The following USF3 variants were observed in gnomAD, a reference collection of about 807,000 sequenced individuals.
USF3 encodes basic helix-loop-helix domain-containing protein USF3.
A neutral mutation model predicts 157.5 loss-of-function variants in USF3; 29 were observed. The observed-to-expected ratio is 0.18, with a 90% CI of 0.14 to 0.25. The LOEUF (loss-of-function observed/expected upper bound fraction) is 0.25. USF3 is among the 10% of genes least tolerant of loss of function. The pLI, the probability that USF3 is intolerant of heterozygous loss-of-function variation, is 1.00. For synonymous variants in USF3, 893 were observed against 941.4 expected, an observed-to-expected ratio of 0.95 and a Z score of 0.94; for missense variants, 2,381 against 2,667.6, an observed-to-expected ratio of 0.89 and a Z score of 2.37.
At chr3:113,691,647 A>T (rs1329447745) in intron 1 of USF3, among the ~76,000 whole-genome samples, 1 of 152,164 alleles carries the variant, frequency 6.6e-6, no homozygotes, top group African/African-American at 2.4e-5. Flanking sequence ...ATGGATCCTT[A>T]TGATCCTGGG....
At chr3:113,681,990 A>G (rs915792537) in intron 1 of USF3, among the ~76,000 whole-genome samples, 3 of 152,130 alleles carry the variant, frequency 2.0e-5, no homozygotes, top group African/African-American at 7.2e-5. Context: ...AAGTCCTCGG[A>G]TTACAGGCAT....
Position 113,656,809 on chromosome 3 carries a change from T to C in USF3, c.4873A>G (p.Asn1625Asp), listed in dbSNP as rs769928264. The change falls in exon 7 of 7, where the codon AAT becomes GAT. Residue 1625 changes from asparagine to aspartate, a missense_variant. By Grantham distance (23) the Asn-to-Asp change is conservative. Transcript: ENST00000316407. ...GATGTCAAAAGCCTCTGCATTGGAT[T>C]ATGGCCAGATACATGTTCAGATGAA... ...GVSSEHVSGH[N>D]PMQRLLTSRG... 1 of 1,614,236 alleles carries C rather than the reference T, an allele frequency of 6.2e-7. No homozygotes were observed. The highest frequency in any genetic ancestry group is 2.2e-5 in the East Asian group (1 of 44,890).
chr3:113,662,263 C>T (rs1319375318), intron 6 of USF3, among the ~76,000 whole-genome samples: 3 of 152,232 alleles, frequency 2.0e-5, no homozygotes, highest in Non-Finnish European at 2.9e-5. Flanking sequence ...AAGAAAGCAT[C>T]GACAATGGAA....
intron 1 of USF3, among the ~76,000 whole-genome samples, chr3:113,687,963 T>C (rs1208796334): frequency 6.6e-6 from 1 of 152,238 alleles, no homozygotes; most frequent in East Asian, 1.9e-4. Flanking sequence ...CAAGCTTGCT[T>C]TGTAGTATAA....
chr3:113,681,597 TCACCATGTTG>T, intron 1 of USF3, among the ~76,000 whole-genome samples: 1 of 149,206 alleles, frequency 6.7e-6, no homozygotes, highest in South Asian at 2.1e-4. Flanking sequence ...AGACGGGGTT[TCACCATGTTG>T]GCCAGGCTGG....
At chr3:113,677,871 G>C (rs1299806396) in intron 1 of USF3, among the ~76,000 whole-genome samples, 1 of 152,056 alleles carries the variant, frequency 6.6e-6, no homozygotes, top group Non-Finnish European at 1.5e-5. Flanking sequence ...CCTTTGCATT[G>C]CATGTGTTCT....
chr3:113,660,778 T>C lies in USF3; in HGVS notation c.904A>G (p.Asn302Asp), dbSNP rs1418582816. Residue 302 changes from asparagine to aspartate, a missense_variant, in exon 7 of 7, where the codon AAC becomes GAC. By Grantham distance (23) the Asn-to-Asp change is conservative (BLOSUM62 1). Coordinates refer to ENST00000316407, the MANE Select transcript of USF3 (RefSeq NM_001009899.4). ...VLKKMTPCVT[N>D]IPHSSSATAT... ...GTTGCTGAGGAGCTGTGGGGGATGTTTGTAACACAAGGGGTCATTTTCTTC... is the reference window on the plus strand; with the variant it reads ...GTTGCTGAGGAGCTGTGGGGGATGTCTGTAACACAAGGGGTCATTTTCTTC... The C allele has an allele frequency of 6.2e-7, 1 of 1,614,098 alleles. No individual in the cohort carries two copies. Among genetic ancestry groups the C allele is most frequent in the African/African-American group, 1.3e-5 (1 of 74,922 alleles).
rs1947365671 is a variant in USF3 at position 113,656,691 on chromosome 3, C to G, written c.4991G>C (p.Arg1664Thr). ...TGCCTCAGCAGAATAACTTGAAACT[C>G]TATTTCTCTCTGGCCTGTGTGGAGT... is the stretch of plus-strand genomic sequence containing the variant. ...TCTPHRPERN[R>T]VSSYSAEALI... The change falls in exon 7 of 7, where the codon AGA becomes ACA. Residue 1664 changes from arginine to threonine, a missense_variant. Physicochemically the swap from Arg to Thr is moderately conservative, Grantham distance 71. Transcript: ENST00000316407. The G allele has an allele frequency of 5.6e-6, 9 of 1,614,128 alleles. No homozygotes were observed. The highest frequency in any genetic ancestry group is 7.6e-6 in the Non-Finnish European group (9 of 1,180,018).
chr3:113,657,103 G>C lies in USF3; in HGVS notation c.4579C>G (p.Leu1527Val), dbSNP rs1301757926. Reference sequence around the variant, plus strand: ...TGAGAGGTCTGGGTGCCCTGAACAAGATTCCTCTTTTTCTGCATCTGAACT... The same window carrying C: ...TGAGAGGTCTGGGTGCCCTGAACAACATTCCTCTTTTTCTGCATCTGAACT... ...QEVQMQKKRNLVQGTQTSQLS... is the reference protein window; with the variant it reads ...QEVQMQKKRNVVQGTQTSQLS... Residue 1527 changes from leucine to valine, a missense_variant, in exon 7 of 7, where the codon CTT (leucine) becomes GTT (valine). Around this residue, in one of 6 missense-constraint regions of USF3, gnomAD observed 50 missense variants for 79.7 expected, o/e 0.63. Transcript: ENST00000316407. 4 of 1,614,128 alleles carry C rather than the reference G, an allele frequency of 2.5e-6. No homozygotes were observed. The highest frequency in any genetic ancestry group is 3.4e-6 in the Non-Finnish European group (4 of 1,180,016).
At position 113,657,833 on chromosome 3, in the gene USF3, G is replaced by C; in HGVS notation, c.3849C>G (p.Gly1283=). The C allele has an allele frequency of 6.2e-7, 1 of 1,614,196 alleles. No homozygotes were observed. The highest frequency in any genetic ancestry group is 8.5e-7 in the Non-Finnish European group (1 of 1,180,042). Residue 1283 remains glycine (G), a synonymous_variant, in exon 7 of 7, where the codon GGC becomes GGG. Transcript: ENST00000316407. The part of the protein sequence containing the change: ...VNLTVSSSSY[G]SQPPGPSLMT... ...TCAGAGATGGTCCAGGAGGTTGACT[G>C]CCATAGGAGCTAGATGAAACGGTCA... is the stretch of plus-strand genomic sequence containing the variant.
intron 1 of USF3, among the ~76,000 whole-genome samples, chr3:113,688,722 C>T (rs970818061): frequency 6.6e-6 from 1 of 152,176 alleles, no homozygotes; most frequent in African/African-American, 2.4e-5. Flanking sequence ...TGAAATGATT[C>T]CAAAGCACAG....
rs374712674 is a variant in USF3 at position 113,658,746 on chromosome 3, A to C, written c.2936T>G (p.Ile979Ser). 2 of 1,614,154 alleles carry C rather than the reference A, an allele frequency of 1.2e-6. No individual in the cohort carries two copies. Among genetic ancestry groups the C allele is most frequent in the Admixed American group, 1.7e-5 (1 of 60,016 alleles). Reference protein sequence around the residue: ...STDCVSEVEIIAEPCRVEQDS... With the variant: ...STDCVSEVEISAEPCRVEQDS... The stretch of plus-strand genomic sequence containing the variant: ...TTGCTCAACTCTGCAAGGTTCAGCA[A>C]TGATTTCTACCTCAGAAACACAGTC... Residue 979 changes from isoleucine (I) to serine (S), a missense_variant, in exon 7 of 7, where the codon ATT (isoleucine) becomes AGT (serine). Ile to Ser is a moderately radical substitution (Grantham distance 142, BLOSUM62 -2). This residue lies in a region of USF3 where 1,435 missense variants were observed against 1,550.9 expected (regional missense o/e 0.93). Transcript: ENST00000316407.
intron 4 of USF3, among the ~76,000 whole-genome samples, chr3:113,672,765 G>A (rs959637304): frequency 1.3e-5 from 2 of 152,186 alleles, no homozygotes; most frequent in African/African-American, 2.4e-5. Flanking sequence ...CCTTTCCTTA[G>A]ACAAAGGAAG....
chr3:113,672,422 G>A (rs1157822657), intron 4 of USF3, among the ~76,000 whole-genome samples: 6 of 151,832 alleles, frequency 4.0e-5, no homozygotes, highest in Non-Finnish European at 7.4e-5. Context: ...CACCACGATC[G>A]GCCTATAAGC....
chr3:113,654,155 C>A lies in USF3; in HGVS notation c.*789G>T, dbSNP rs1189666881. 6.6e-6 allele frequency: 1 copy of A among 152,632 alleles called. No homozygotes were observed. The highest frequency in any genetic ancestry group is 2.4e-5 in the African/African-American group (1 of 41,450). The allele number at this position is 152,632 out of a possible 1,614,324, so 9.5% of individuals were successfully genotyped here. ...CAAAACTCCACAATACAACTAACTG[C>A]TTTTACCCTTATGACCCGATGCAAA... On this transcript the variant is annotated 3_prime_UTR_variant, in exon 7 of 7. Transcript: ENST00000316407.
At position 113,663,426 on chromosome 3, in the gene USF3, C is replaced by A. The variant is rs77452120; in HGVS notation, c.256+887G>T. Among the ~76,000 whole-genome samples, 5 of 152,224 alleles carry A rather than the reference C, an allele frequency of 3.3e-5. No individual in the cohort carries two copies. In the East Asian group the frequency reaches 9.6e-4, roughly 29 times the overall value. On this transcript the variant is annotated intron_variant, in intron 6 of 6. Coordinates refer to ENST00000316407, the MANE Select transcript of USF3 (RefSeq NM_001009899.4). Reference sequence around the variant, plus strand: ...CTATCTGACGGCATCACAAAAAGACCTGGGCCATAAACACCAGCTAAACTA... The same window carrying A: ...CTATCTGACGGCATCACAAAAAGACATGGGCCATAAACACCAGCTAAACTA...
chr3:113,652,951 TG>T lies in USF3; in HGVS notation c.*1992del. The T allele has an allele frequency of 1.0e-6, 1 of 1,001,534 alleles. No individual in the cohort carries two copies. Among genetic ancestry groups the T allele is most frequent in the Non-Finnish European group, 1.4e-6 (1 of 708,046 alleles). The allele number at this position is 1,001,534 out of a possible 1,614,324, so 62.0% of individuals were successfully genotyped here. ...TCCAGCCTGGGTGACAAAGTGACCT[TG>T]AATATCTCCTGAGGAAGAGGAACTT... is the stretch of plus-strand genomic sequence containing the variant. On this transcript the variant is annotated 3_prime_UTR_variant, in exon 7 of 7. Coordinates refer to ENST00000316407, the MANE Select transcript of USF3 (RefSeq NM_001009899.4).
At chr3:113,670,590 A>G (rs1707130509) in intron 4 of USF3, among the ~76,000 whole-genome samples, 1 of 151,380 alleles carries the variant, frequency 6.6e-6, no homozygotes. Flanking sequence ...ACAGAACGAG[A>G]CTCTGTCTGA....
intron 5 of USF3, among the ~76,000 whole-genome samples, chr3:113,666,878 G>A (rs577386678): frequency 1.3e-5 from 2 of 152,198 alleles, no homozygotes; most frequent in East Asian, 1.9e-4. Context: ...GTGAGCCACT[G>A]TGCCCGGACT....
Sources: gnomAD v4.1 joint callset for allele counts (sites outside exome capture counted in the v4.1 genomes callset) on GRCh38, gnomAD v4.1.1 for gene constraint, gnomAD v4.1.1 regional missense constraint, MANE v1.5 for transcripts, NCBI Gene and HGNC (gene_info 2026-07-23, HGNC 2026-07-21) for gene names.